The following C8B variants were observed in gnomAD, a reference collection of about 807,000 sequenced individuals.
C8B encodes complement component C8 beta chain.
In C8B, 67 loss-of-function variants were observed where a neutral mutation model predicts 64.6. The ratio of observed to expected loss-of-function variants is 1.04; its 90% CI spans 0.85 to 1.27. C8B has a LOEUF of 1.27. Among genes scored for constraint, C8B ranks in the 50% most tolerant of loss-of-function variants. C8B has a pLI of 0.00. For synonymous variants in C8B, 284 were observed against 257.7 expected (o/e 1.10, Z -0.98); for missense variants, 790 against 725.2 (o/e 1.09, Z -1.03).
intron 7 of C8B, among the ~76,000 whole-genome samples, chr1:56,944,049 C>T (rs953657539): frequency 2.0e-5 from 3 of 152,106 alleles, no homozygotes; most frequent in East Asian, 1.9e-4. Flanking sequence ...CCGCAACGCT[C>T]TCTGAGGATT....
chr1:56,938,815 G>T (rs1434292056), intron 9 of C8B, among the ~76,000 whole-genome samples: 1 of 152,086 alleles, frequency 6.6e-6, no homozygotes, highest in Non-Finnish European at 1.5e-5. Flanking sequence ...TGCCACTCCA[G>T]CTACCTGGTA....
At chr1:56,938,617 A>T (rs562473233) in intron 9 of C8B, among the ~76,000 whole-genome samples, 2 of 152,284 alleles carry the variant, frequency 1.3e-5, no homozygotes, top group Non-Finnish European at 2.9e-5. Context: ...AGAGCTACCT[A>T]TGTCTAAAGT....
intron 2 of C8B, among the ~76,000 whole-genome samples, chr1:56,958,951 CTATT>C (rs1645139017): frequency 6.6e-6 from 1 of 152,186 alleles, no homozygotes; most frequent in Non-Finnish European, 1.5e-5. Flanking sequence ...TCTGGCATAT[CTATT>C]GTTCTCAGAA....
intron 7 of C8B, 117 bp from the exon 8 acceptor site, chr1:56,943,941 T>C: frequency 8.7e-7 from 1 of 1,155,590 alleles, no homozygotes; most frequent in Non-Finnish European, 1.3e-6. Flanking sequence ...CGGGTTCAAA[T>C]AAATAGGTCA....
chr1:56,943,598 A>C (rs1201460939), intron 8 of C8B, 98 bp downstream of exon 8: 2 of 1,406,364 alleles, frequency 1.4e-6, no homozygotes, highest in Non-Finnish European at 2.0e-6. Context: ...AAGTTGGGAT[A>C]GTATTTGTCT....
At chr1:56,939,928 G>T (rs538383174) in intron 9 of C8B, among the ~76,000 whole-genome samples, 1 of 152,318 alleles carries the variant, frequency 6.6e-6, no homozygotes, top group African/African-American at 2.4e-5. Context: ...GATGTTAGAT[G>T]AAGAAATATT....
chr1:56,959,953 C>A, intron 2 of C8B, 67 bp downstream of exon 2: 1 of 1,584,948 alleles, frequency 6.3e-7, no homozygotes, highest in Admixed American at 1.7e-5. Context: ...TTAGCAATGG[C>A]TCAGCCGATC....
Position 56,949,616 on chromosome 1 carries a change from A to T in C8B, c.803T>A (p.Ile268Asn). ...FKIPGIFELG[I>N]SSQSDRGKHY... Reference sequence around the variant, plus strand: ...TTTGCCTCGATCACTTTGACTACTGATGCCAAGTTCAAATATTCCAGGTAT... The same window carrying T: ...TTTGCCTCGATCACTTTGACTACTGTTGCCAAGTTCAAATATTCCAGGTAT... Residue 268 changes from isoleucine (I) to asparagine (N), a missense_variant, in exon 6 of 12, where the codon ATC becomes AAC. Transcript: ENST00000371237. 6.2e-7 allele frequency: 1 copy of T among 1,614,096 alleles called. No homozygotes were observed. Among genetic ancestry groups the T allele is most frequent in the Non-Finnish European group, 8.5e-7 (1 of 1,179,986 alleles).
intron 7 of C8B, among the ~76,000 whole-genome samples, chr1:56,945,010 G>A (rs991548493): frequency 6.6e-6 from 1 of 152,190 alleles, no homozygotes; most frequent in Non-Finnish European, 1.5e-5. Context: ...AGGGATGGGG[G>A]TGGAATATTA....
chr1:56,933,463 GT>G lies in C8B; in HGVS notation c.1423del (p.Thr475GlnfsTer11), dbSNP rs756354353. ...VKVEPLYELV[T>X]ATDFAYSSTV... The stretch of plus-strand genomic sequence containing the variant: ...GCTGGAATAGGCAAAATCTGTGGCT[GT>G]CACTAGTTCATACAGAGGCTCCACC... On this transcript the variant is annotated frameshift_variant, in exon 10 of 12. Transcript: ENST00000371237. LOFTEE classifies it high-confidence loss of function. 1 of 1,613,878 alleles carries G rather than the reference GT, an allele frequency of 6.2e-7. No individual in the cohort carries two copies. Among genetic ancestry groups the G allele is most frequent in the Non-Finnish European group, 8.5e-7 (1 of 1,179,782 alleles).
At position 56,946,071 on chromosome 1, in the gene C8B, A is replaced by G. The variant is rs369071394; in HGVS notation, c.865-10T>C. On this transcript the variant is annotated splice_polypyrimidine_tract_variant and intron_variant, in intron 6 of 11. Transcript: ENST00000371237. ...GCAGAAATACGCTTTTCTAAATGAAATACCAACATGGGAAAACCAGACCTT... is the reference window on the plus strand; with the variant it reads ...GCAGAAATACGCTTTTCTAAATGAAGTACCAACATGGGAAAACCAGACCTT... 3.3e-5 allele frequency: 54 copies of G among 1,614,046 alleles called. No homozygotes were observed. The African/African-American group carries it at 6.5e-4, about 20-fold the overall frequency.
Position 56,929,578 on chromosome 1 carries a change from T to G in C8B, c.1622-20A>C, listed in dbSNP as rs605648. 1.2e-5 allele frequency: 20 copies of G among 1,612,718 alleles called. No homozygotes were observed. The highest frequency in any genetic ancestry group is 1.4e-5 in the Non-Finnish European group (17 of 1,178,838). On this transcript the variant is annotated intron_variant, in intron 11 of 11. Transcript: ENST00000371237. ...GGGTATCTATAAGAAAGAAGGTCAA[T>G]AAGCATCAATCAGCACTTCTTATAT...
intron 1 of C8B, 62 bp downstream of exon 1, chr1:56,965,795 C>T: frequency 6.4e-7 from 1 of 1,573,652 alleles, no homozygotes; most frequent in Non-Finnish European, 8.7e-7. Flanking sequence ...TGGTCAGCAT[C>T]ATGTGGCTGC....
At chr1:56,933,266 A>G (rs955649251) in intron 10 of C8B, 69 bp downstream of exon 10, 3 of 1,327,970 alleles carry the variant, frequency 2.3e-6, no homozygotes, top group Non-Finnish European at 3.3e-6. Context: ...GAAGCAGGCA[A>G]ATGGCTGGCC....
chr1:56,942,116 C>T (rs1415519754), intron 8 of C8B, among the ~76,000 whole-genome samples: 1 of 152,178 alleles, frequency 6.6e-6, no homozygotes, highest in Non-Finnish European at 1.5e-5. Flanking sequence ...ATCTTCACTA[C>T]AAAATAGTAG....
intron 1 of C8B, among the ~76,000 whole-genome samples, chr1:56,963,007 T>C (rs706484): frequency 0.38 from 57,303 of 152,114 alleles, 11,611 homozygotes; most frequent in African/African-American, 0.52. Flanking sequence ...TTATTCCTTC[T>C]CTTTTTGAGG....
At chr1:56,943,123 G>C (rs1644889338) in intron 8 of C8B, among the ~76,000 whole-genome samples, 1 of 151,878 alleles carries the variant, frequency 6.6e-6, no homozygotes, top group Admixed American at 6.6e-5. Context: ...AGCTGGGGGA[G>C]GGGAGGAGTC....
At chr1:56,952,716 T>C (rs947571519) in intron 4 of C8B, among the ~76,000 whole-genome samples, 1 of 152,174 alleles carries the variant, frequency 6.6e-6, no homozygotes, top group African/African-American at 2.4e-5. Context: ...TTCTGCCCCT[T>C]ACTGCCCAGG....
At chr1:56,946,159 G>A in intron 6 of C8B, 98 bp from the exon 7 acceptor site, 2 of 1,411,954 alleles carry the variant, frequency 1.4e-6, no homozygotes, top group Non-Finnish European at 9.9e-7. Flanking sequence ...TTCTTGGCCT[G>A]GGGTCATCAC....
Sources: gnomAD v4.1 joint callset for allele counts (sites outside exome capture counted in the v4.1 genomes callset) on GRCh38, gnomAD v4.1.1 for gene constraint, MANE v1.5 for transcripts, NCBI Gene and HGNC (gene_info 2026-07-23, HGNC 2026-07-21) for gene names.